TENM2: variants seen among roughly 807,000 people sequenced by gnomAD.
TENM2 encodes teneurin transmembrane protein 2, also known as teneurin-2.
Under a neutral mutation model 245.2 loss-of-function variants are expected in TENM2, and 52 were observed. The observed-to-expected ratio is 0.21, with a 90% CI of 0.17 to 0.27. TENM2 has a LOEUF of 0.27. Among genes scored for constraint, TENM2 ranks in the 10% least tolerant of loss-of-function variants. TENM2 has a pLI of 1.00. For synonymous variants in TENM2, 1,363 were observed against 1,438.9 expected (o/e 0.95, Z 1.19); for missense variants, 3,046 against 3,666.8 (o/e 0.83, Z 4.37).
intron 12 of TENM2, among the ~76,000 whole-genome samples, chr5:168,154,778 G>T (rs1458481044): frequency 6.6e-6 from 1 of 152,082 alleles, no homozygotes; most frequent in Admixed American, 6.5e-5. Flanking sequence ...TGCCTTAGGA[G>T]CAAAAGCCAG....
intron 12 of TENM2, among the ~76,000 whole-genome samples, chr5:168,155,935 G>A (rs913658405): frequency 2.1e-5 from 3 of 143,244 alleles, no homozygotes; most frequent in African/African-American, 7.8e-5. Context: ...TTGTAAGTAC[G>A]GTCTTGTGAC....
intron 12 of TENM2, among the ~76,000 whole-genome samples, chr5:168,141,495 A>G (rs75189008): frequency 6.6e-6 from 1 of 152,318 alleles, no homozygotes; most frequent in South Asian, 2.1e-4. Flanking sequence ...AAATCAGAAC[A>G]TGCTTCTTTA....
intron 13 of TENM2, among the ~76,000 whole-genome samples, chr5:168,183,955 C>G (rs1760161801): frequency 6.6e-6 from 1 of 152,146 alleles, no homozygotes; most frequent in Non-Finnish European, 1.5e-5. Context: ...CCCAGCACTC[C>G]TTTGGGTATA....
intron 2 of TENM2, among the ~76,000 whole-genome samples, chr5:167,709,415 C>T (rs548132427): frequency 1.9e-4 from 29 of 152,258 alleles, no homozygotes; most frequent in African/African-American, 6.3e-4. Flanking sequence ...GGATTCTAAA[C>T]GTGTTGTCTC....
intron 2 of TENM2, among the ~76,000 whole-genome samples, chr5:167,797,690 G>T (rs1765420551): frequency 6.6e-6 from 1 of 152,180 alleles, no homozygotes; most frequent in Admixed American, 6.6e-5. Flanking sequence ...AGATCTGAAG[G>T]TTGAGAATGA....
intron 5 of TENM2, among the ~76,000 whole-genome samples, chr5:168,007,392 G>T (rs35637685): frequency 6.6e-6 from 1 of 152,132 alleles, no homozygotes; most frequent in African/African-American, 2.4e-5. Context: ...GCCTCCTAAA[G>T]TGCTGGGATT....
At chr5:167,215,793 T>C in the TENM2 span, among the ~76,000 whole-genome samples, 1 of 152,240 alleles carries the variant, frequency 6.6e-6, no homozygotes, top group Non-Finnish European at 1.5e-5. Context: ...AGCCATTTTA[T>C]ACACATTAGC....
the TENM2 span, among the ~76,000 whole-genome samples, chr5:167,264,488 G>A: frequency 2.6e-4 from 39 of 152,292 alleles, no homozygotes; most frequent in East Asian, 5.2e-3. Flanking sequence ...GTTGAGCAGC[G>A]TGTGTTTTGT....
At chr5:167,788,421 A>G (rs959355340) in intron 2 of TENM2, among the ~76,000 whole-genome samples, 2 of 152,210 alleles carry the variant, frequency 1.3e-5, no homozygotes, top group African/African-American at 4.8e-5. Flanking sequence ...CTGTGAAAAC[A>G]TTTCTTCAAT....
chr5:167,058,018 G>A, the TENM2 span, among the ~76,000 whole-genome samples: 3 of 152,034 alleles, frequency 2.0e-5, no homozygotes, highest in Admixed American at 1.3e-4. Flanking sequence ...TCTGCTTGTG[G>A]CTTTCTGCTC....
In TENM2 at chr5:167,326,302, G is replaced by T. The variant is rs76196614; in HGVS notation, c.226+41239G>T. Reference sequence around the variant, plus strand: ...ATAGTGGGAAGTCACTGGATCTGAGGCATGGAAGTACATCTACTTTGTTAT... The same window carrying T: ...ATAGTGGGAAGTCACTGGATCTGAGTCATGGAAGTACATCTACTTTGTTAT... On this transcript the variant is annotated intron_variant, in intron 1 of 28. Transcript: ENST00000518659. 4.1e-4 allele frequency among the ~76,000 whole-genome samples: 63 copies of T among 152,244 alleles called. No homozygotes were observed. The East Asian group carries it at 0.012, about 29-fold the overall frequency.
chr5:167,878,392 C>T (rs1384535160), intron 3 of TENM2, among the ~76,000 whole-genome samples: 1 of 152,094 alleles, frequency 6.6e-6, no homozygotes, highest in Non-Finnish European at 1.5e-5. Flanking sequence ...AGGAGCTGTG[C>T]TGATATGATT....
At chr5:167,963,959 A>T (rs981122025) in intron 4 of TENM2, among the ~76,000 whole-genome samples, 11 of 152,226 alleles carry the variant, frequency 7.2e-5, no homozygotes, top group African/African-American at 2.7e-4. Context: ...CAGTCTATTC[A>T]TGTATAAACC....
intron 4 of TENM2, among the ~76,000 whole-genome samples, chr5:167,958,534 G>A (rs1325657426): frequency 6.6e-6 from 1 of 152,140 alleles, no homozygotes; most frequent in East Asian, 1.9e-4. Context: ...ATGCTAGCTG[G>A]TTATTTTGCC....
chr5:167,649,313 A>G (rs1404615034), intron 2 of TENM2, among the ~76,000 whole-genome samples: 1 of 152,176 alleles, frequency 6.6e-6, no homozygotes, highest in Non-Finnish European at 1.5e-5. Context: ...AGTTGACCTT[A>G]AAGGCTGCAA....
intron 2 of TENM2, among the ~76,000 whole-genome samples, chr5:167,824,827 A>G (rs891050547): frequency 6.6e-6 from 1 of 152,184 alleles, no homozygotes; most frequent in Non-Finnish European, 1.5e-5. Context: ...AACTAATTCA[A>G]CGTTTCAAAA....
At chr5:168,063,248 G>A (rs1308263872) in intron 7 of TENM2, among the ~76,000 whole-genome samples, 1 of 152,136 alleles carries the variant, frequency 6.6e-6, no homozygotes, top group East Asian at 1.9e-4. Context: ...AGTTCCTTGG[G>A]AAGTCCTTGG....
At chr5:167,825,008 A>G (rs1054608176) in intron 2 of TENM2, among the ~76,000 whole-genome samples, 3 of 152,218 alleles carry the variant, frequency 2.0e-5, no homozygotes, top group Admixed American at 6.5e-5. Context: ...AAGAGCTTTG[A>G]CAAATACAGA....
the TENM2 span, among the ~76,000 whole-genome samples, chr5:166,998,741 G>A: frequency 3.2e-3 from 486 of 152,254 alleles, 14 homozygotes; most frequent in South Asian, 0.058. Context: ...ATAAATACAT[G>A]AACAGTTAGA....
Sources: gnomAD v4.1 joint callset for allele counts (sites outside exome capture counted in the v4.1 genomes callset) on GRCh38, gnomAD v4.1.1 for gene constraint, MANE v1.5 for transcripts, NCBI Gene and HGNC (gene_info 2026-07-23, HGNC 2026-07-21) for gene names.